ADAMTSL1: variants seen among roughly 807,000 people sequenced by gnomAD.
ADAMTSL1 encodes ADAMTS-like protein 1.
ADAMTSL1 carries 126 observed loss-of-function variants against 201.8 expected under a neutral mutation model. The observed-to-expected ratio is 0.62, with a 90% CI of 0.54 to 0.72. The LOEUF (loss-of-function observed/expected upper bound fraction) is 0.72, where lower values mean the gene tolerates loss of function less well. ADAMTSL1 is among the 30% of genes least tolerant of loss of function. The probability of loss-of-function intolerance (pLI) is 0.00; values close to 1 mark genes in which losing one functional copy is unlikely to be tolerated. For missense variants in ADAMTSL1, 2,679 were observed against 2,277.8 expected (o/e 1.18, Z -3.59); for synonymous variants, 1,121 against 903.4 (o/e 1.24, Z -4.32).
chr9:18,283,675 G>T (rs1162801806), intron 2 of ADAMTSL1, among the ~76,000 whole-genome samples: 1 of 147,980 alleles, frequency 6.8e-6, no homozygotes, highest in Non-Finnish European at 1.5e-5. Context: ...CACTTTGGGA[G>T]ACTGAGGCAG....
At chr9:18,748,404 A>G (rs1299470702) in intron 15 of ADAMTSL1, among the ~76,000 whole-genome samples, 1 of 152,224 alleles carries the variant, frequency 6.6e-6, no homozygotes, top group African/African-American at 2.4e-5. Flanking sequence ...CATAAATTGT[A>G]TAACACCCCT....
intron 1 of ADAMTSL1, among the ~76,000 whole-genome samples, chr9:18,158,281 A>G (rs573744379): frequency 1.3e-5 from 2 of 152,154 alleles, no homozygotes; most frequent in East Asian, 3.9e-4. Context: ...ATAAACCTCC[A>G]GAGTATTCTC....
intron 22 of ADAMTSL1, among the ~76,000 whole-genome samples, chr9:18,827,037 C>A (rs1824617142): frequency 6.6e-6 from 1 of 152,024 alleles, no homozygotes; most frequent in Non-Finnish European, 1.5e-5. Context: ...GGACACCATC[C>A]ACCATCTGAT....
chr9:18,181,828 A>G (rs1828492740), intron 2 of ADAMTSL1, among the ~76,000 whole-genome samples: 1 of 152,126 alleles, frequency 6.6e-6, no homozygotes, highest in African/African-American at 2.4e-5. Flanking sequence ...CTATAAAGAC[A>G]CATGCACACG....
intron 25 of ADAMTSL1, 79 bp from the exon 26 acceptor site, chr9:18,892,310 G>A: frequency 7.1e-7 from 1 of 1,416,424 alleles, no homozygotes; most frequent in Non-Finnish European, 9.7e-7. Context: ...GCAAGAGCAG[G>A]GATGTCGGTG....
chr9:17,952,917 CCCTCCTCCTCCTCCTCCTCCT>C (rs59567399), intron 1 of ADAMTSL1, among the ~76,000 whole-genome samples: 9 of 145,994 alleles, frequency 6.2e-5, no homozygotes, highest in South Asian at 2.2e-4. Flanking sequence ...TTCCTCCTTT[CCCTCCTCCTCCTCCTCCTCCT>C]CCTCCTCCTC....
chr9:18,075,482 A>AAATGGGGTT (rs1410806923), intron 1 of ADAMTSL1, among the ~76,000 whole-genome samples: 2 of 152,168 alleles, frequency 1.3e-5, no homozygotes, highest in Non-Finnish European at 2.9e-5. Context: ...CTATGTAATA[A>AAATGGGGTT]AATGGGGTTA....
chr9:18,782,961 C>G (rs1467872008), intron 19 of ADAMTSL1, among the ~76,000 whole-genome samples: 2 of 152,088 alleles, frequency 1.3e-5, no homozygotes, highest in Admixed American at 6.5e-5. Context: ...GGAAGGGGTT[C>G]GGGTTTTACA....
At chr9:18,327,137 T>A (rs1834856788) in intron 2 of ADAMTSL1, among the ~76,000 whole-genome samples, 1 of 152,250 alleles carries the variant, frequency 6.6e-6, no homozygotes, top group Admixed American at 6.5e-5. Context: ...TAGGTCATTT[T>A]TAGTTATATG....
chr9:18,871,024 A>G (rs12000553), intron 23 of ADAMTSL1, among the ~76,000 whole-genome samples: 56 of 152,206 alleles, frequency 3.7e-4, no homozygotes, highest in African/African-American at 1.2e-3. Context: ...ACTTCTAAAT[A>G]TTCAAGATCC....
intron 2 of ADAMTSL1, among the ~76,000 whole-genome samples, chr9:18,254,652 C>T (rs1341756941): frequency 1.4e-5 from 2 of 145,622 alleles, no homozygotes; most frequent in Middle Eastern, 3.4e-3. Context: ...CGTGAGCCAC[C>T]GCGCCTGCCC....
chr9:18,382,054 A>C (rs991347401), intron 2 of ADAMTSL1, among the ~76,000 whole-genome samples: 1 of 152,166 alleles, frequency 6.6e-6, no homozygotes, highest in Non-Finnish European at 1.5e-5. Context: ...CTGGTACAAG[A>C]GAATGATAAA....
chr9:18,090,115 T>C (rs901513140), intron 1 of ADAMTSL1, among the ~76,000 whole-genome samples: 2 of 152,116 alleles, frequency 1.3e-5, no homozygotes, highest in African/African-American at 4.8e-5. Flanking sequence ...AAAAAGAAAG[T>C]AAGTATTGGC....
chr9:18,279,180 G>T (rs1832694090), intron 2 of ADAMTSL1, among the ~76,000 whole-genome samples: 1 of 152,056 alleles, frequency 6.6e-6, no homozygotes, highest in Admixed American at 6.5e-5. Flanking sequence ...TTCCAGAACT[G>T]CCCACATATA....
chr9:18,651,814 A>T (rs1828281213), intron 7 of ADAMTSL1, among the ~76,000 whole-genome samples: 1 of 152,152 alleles, frequency 6.6e-6, no homozygotes, highest in Admixed American at 6.6e-5. Context: ...ACAATTTAGG[A>T]TACAAAACTT....
At chr9:18,135,304 A>T (rs1826114137) in intron 1 of ADAMTSL1, among the ~76,000 whole-genome samples, 1 of 152,210 alleles carries the variant, frequency 6.6e-6, no homozygotes, top group South Asian at 2.1e-4. Context: ...GGATAAACTT[A>T]AACACAAAAA....
intron 3 of ADAMTSL1, among the ~76,000 whole-genome samples, chr9:18,556,295 G>T (rs1821105691): frequency 6.6e-6 from 1 of 151,956 alleles, no homozygotes; most frequent in Non-Finnish European, 1.5e-5. Context: ...GCATCATAAA[G>T]GCAGGTACAA....
At chr9:18,398,742 G>A (rs72686890) in intron 2 of ADAMTSL1, among the ~76,000 whole-genome samples, 18,664 of 152,108 alleles carry the variant, frequency 0.12, 1,378 homozygotes, top group South Asian at 0.23. Context: ...TTTAATAGGA[G>A]GTCACTGAAG....
At chr9:18,903,556 G>C (rs1830125808) in intron 26 of ADAMTSL1, among the ~76,000 whole-genome samples, 1 of 152,166 alleles carries the variant, frequency 6.6e-6, no homozygotes, top group Non-Finnish European at 1.5e-5. Context: ...GTGGGGCCCA[G>C]TGCAAAATGA....
Sources: gnomAD v4.1 joint callset for allele counts (sites outside exome capture counted in the v4.1 genomes callset) on GRCh38, gnomAD v4.1.1 for gene constraint, MANE v1.5 for transcripts, NCBI Gene and HGNC (gene_info 2026-07-23, HGNC 2026-07-21) for gene names.